The following CAMKMT variants were observed in gnomAD, a reference collection of about 807,000 sequenced individuals.
The protein encoded by CAMKMT is CaM KMT.
CAMKMT carries 53 observed loss-of-function variants against 48.0 expected under a neutral mutation model. The observed-to-expected ratio is 1.10, with a 90% confidence interval of 0.89 to 1.39. The LOEUF (loss-of-function observed/expected upper bound fraction) is 1.39. Among genes scored for constraint, CAMKMT ranks in the 40% most tolerant of loss-of-function variants. CAMKMT has a pLI of 0.00. For missense variants in CAMKMT, 428 were observed against 402.7 expected (o/e 1.06, Z -0.54); for synonymous variants, 165 against 152.3 (o/e 1.08, Z -0.61).
intron 3 of CAMKMT, among the ~76,000 whole-genome samples, chr2:44,435,070 C>T (rs891658932): frequency 6.6e-5 from 10 of 152,074 alleles, no homozygotes; most frequent in South Asian, 2.1e-4. Context: ...AATTTACATA[C>T]GTAAATACTA....
At chr2:44,493,702 A>G (rs182751519) in intron 3 of CAMKMT, among the ~76,000 whole-genome samples, 51 of 152,352 alleles carry the variant, frequency 3.3e-4, no homozygotes, top group African/African-American at 1.2e-3. Flanking sequence ...TTTATAGAAG[A>G]AAAAGCCTTG....
At chr2:44,385,596 T>C (rs1415401623) in intron 2 of CAMKMT, among the ~76,000 whole-genome samples, 1 of 151,776 alleles carries the variant, frequency 6.6e-6, no homozygotes, top group African/African-American at 2.4e-5. Context: ...TTCAGTATTA[T>C]GTTGGCTGTG....
chr2:44,519,639 A>G (rs927975881), intron 3 of CAMKMT, among the ~76,000 whole-genome samples: 3 of 152,226 alleles, frequency 2.0e-5, no homozygotes, highest in South Asian at 2.1e-4. Context: ...TTAGCATGGT[A>G]TGTTTAAAAA....
In CAMKMT at chr2:44,401,489, G is replaced by A. The variant is rs554108989; in HGVS notation, c.376+11184G>A. On this transcript the variant is annotated intron_variant, in intron 3 of 10. Coordinates refer to ENST00000378494, the MANE Select transcript of CAMKMT (RefSeq NM_024766.5). ...GGTGAATCTATTGAACCCGGGAGGC[G>A]GAGGTTGCAGTGAGCTGAGATTGTG... 7.8e-4 allele frequency among the ~76,000 whole-genome samples: 119 copies of A among 151,990 alleles called. 2 individuals are homozygous for A. In the South Asian group the frequency reaches 0.024, roughly 30 times the overall value.
chr2:44,376,275 A>G (rs1679680835), intron 2 of CAMKMT, among the ~76,000 whole-genome samples: 1 of 151,990 alleles, frequency 6.6e-6, no homozygotes, highest in South Asian at 2.1e-4. Context: ...TTAGCTGGAC[A>G]TGGTGGTTCA....
At chr2:44,747,732 G>C (rs576479412) in intron 8 of CAMKMT, among the ~76,000 whole-genome samples, 1 of 152,336 alleles carries the variant, frequency 6.6e-6, no homozygotes, top group Admixed American at 6.5e-5. Flanking sequence ...AGGAATTACA[G>C]ATGCTCTGCA....
At chr2:44,400,269 C>T (rs1245391400) in intron 3 of CAMKMT, among the ~76,000 whole-genome samples, 1 of 151,462 alleles carries the variant, frequency 6.6e-6, no homozygotes, top group Non-Finnish European at 1.5e-5. Context: ...TTAGGTAATA[C>T]AATAATTTTT....
intron 3 of CAMKMT, among the ~76,000 whole-genome samples, chr2:44,461,887 C>A (rs1667867231): frequency 6.6e-6 from 1 of 152,036 alleles, no homozygotes; most frequent in Non-Finnish European, 1.5e-5. Flanking sequence ...GCCTATCTAC[C>A]CTAGGTATAT....
chr2:44,619,812 A>G (rs1396268586), intron 3 of CAMKMT, among the ~76,000 whole-genome samples: 2 of 152,194 alleles, frequency 1.3e-5, no homozygotes, highest in Non-Finnish European at 2.9e-5. Context: ...ATACCTATAC[A>G]ATGCTGTGGA....
chr2:44,728,775 T>G (rs577132757), intron 7 of CAMKMT, among the ~76,000 whole-genome samples: 1 of 151,926 alleles, frequency 6.6e-6, no homozygotes, highest in Non-Finnish European at 1.5e-5. Flanking sequence ...CTTTGTTGTT[T>G]CTGATTGTGC....
chr2:44,368,779 T>A (rs111618159), intron 1 of CAMKMT, among the ~76,000 whole-genome samples: 1 of 152,212 alleles, frequency 6.6e-6, no homozygotes, highest in Non-Finnish European at 1.5e-5. Flanking sequence ...TTTAAAAATT[T>A]AATACTTTGT....
chr2:44,447,665 T>C (rs889397501), intron 3 of CAMKMT, among the ~76,000 whole-genome samples: 1 of 152,260 alleles, frequency 6.6e-6, no homozygotes, highest in Admixed American at 6.5e-5. Context: ...GTAACCCATG[T>C]ACTACTTCTC....
At chr2:44,762,938 A>T (rs1431070508) in intron 9 of CAMKMT, among the ~76,000 whole-genome samples, 1 of 152,250 alleles carries the variant, frequency 6.6e-6, no homozygotes, top group African/African-American at 2.4e-5. Flanking sequence ...GCTTTGGCAA[A>T]TTGAAAATAA....
At chr2:44,643,221 A>C (rs1437366434) in intron 3 of CAMKMT, among the ~76,000 whole-genome samples, 1 of 152,232 alleles carries the variant, frequency 6.6e-6, no homozygotes, top group Admixed American at 6.5e-5. Flanking sequence ...AACATTAATG[A>C]AAATAAGATT....
At chr2:44,675,212 G>C (rs996993934) in intron 3 of CAMKMT, among the ~76,000 whole-genome samples, 4 of 151,954 alleles carry the variant, frequency 2.6e-5, no homozygotes, top group African/African-American at 9.7e-5. Context: ...TGTGTTCCTT[G>C]CCTCCTCAAC....
chr2:44,381,319 C>A (rs558930413), intron 2 of CAMKMT, among the ~76,000 whole-genome samples: 1 of 152,134 alleles, frequency 6.6e-6, no homozygotes, highest in African/African-American at 2.4e-5. Context: ...ACCATTATTA[C>A]AAAATATGTG....
chr2:44,610,787 A>C (rs1053041534), intron 3 of CAMKMT, among the ~76,000 whole-genome samples: 4 of 152,232 alleles, frequency 2.6e-5, no homozygotes, highest in East Asian at 1.9e-4. Context: ...TTATATTTAC[A>C]TACAGAATAT....
At chr2:44,459,352 TCCC>T (rs909222158) in intron 3 of CAMKMT, among the ~76,000 whole-genome samples, 4 of 152,182 alleles carry the variant, frequency 2.6e-5, no homozygotes, top group African/African-American at 9.6e-5. Flanking sequence ...ACACATTAAA[TCCC>T]TTCTTATTAT....
At chr2:44,751,148 C>T (rs1177477336) in intron 8 of CAMKMT, among the ~76,000 whole-genome samples, 1 of 152,162 alleles carries the variant, frequency 6.6e-6, no homozygotes, top group Non-Finnish European at 1.5e-5. Context: ...TTGTACTGAG[C>T]TTGGAAAAGG....
Sources: allele counts gnomAD v4.1 joint callset (sites outside exome capture counted in the v4.1 genomes callset), GRCh38; gene constraint gnomAD v4.1.1; transcripts MANE v1.5; gene names NCBI Gene and HGNC (gene_info 2026-07-23, HGNC 2026-07-21).